The following KCNK4 variants were observed in gnomAD, a reference collection of about 807,000 sequenced individuals.
KCNK4 encodes potassium channel subfamily K member 4.
KCNK4 carries 22 observed loss-of-function variants against 28.8 expected under a neutral mutation model. That is an observed-to-expected ratio of 0.76 (90% CI 0.55 to 1.09). The LOEUF (loss-of-function observed/expected upper bound fraction) is 1.09, where lower values mean the gene tolerates loss of function less well. Ranked by LOEUF, KCNK4 falls within the 50% of genes least tolerant of loss-of-function variation. KCNK4 has a pLI of 0.00. For missense variants in KCNK4, 483 were observed against 546.3 expected, an observed-to-expected ratio of 0.88 and a Z score of 1.15; for synonymous variants, 263 against 252.9, an observed-to-expected ratio of 1.04 and a Z score of -0.38.
At position 64,293,354 on chromosome 11, in the gene KCNK4, A is replaced by T. The variant is rs376017360; in HGVS notation, c.189+147A>T. 1,692 of 889,540 alleles carry T rather than the reference A, an allele frequency of 1.9e-3. 24 individuals carry two copies. In the East Asian group the frequency reaches 0.028, roughly 15 times the overall value. 55.1% of individuals were successfully genotyped at this position (889,540 alleles called of 1,614,324 possible). On this transcript the variant is annotated intron_variant, in intron 2 of 6. Transcript: ENST00000422670. The stretch of plus-strand genomic sequence containing the variant: ...GGAGGCTGTGGGACAGAGGCTGGGG[A>T]CCAGGTCTCTGTGTTTTCAATAGGG...
Position 64,299,965 on chromosome 11 carries a change from C to A in KCNK4, c.*239C>A. 1 of 678,816 alleles carries A rather than the reference C, an allele frequency of 1.5e-6. No homozygotes were observed. Among genetic ancestry groups the A allele is most frequent in the South Asian group, 1.9e-5 (1 of 52,748 alleles). The allele number at this position is 678,816 out of a possible 1,614,324, so 42.0% of individuals were successfully genotyped here. On this transcript the variant is annotated 3_prime_UTR_variant, in exon 7 of 7. Transcript: ENST00000422670. ...GTGTATCCCTCACAGCACCTCACGA[C>A]TGTGCCTCAAAGCCTGCATCAATAA...
intron 2 of KCNK4, among the ~76,000 whole-genome samples, chr11:64,296,296 T>TTCCTGGAGAGAAAG (rs2034763096): frequency 6.6e-6 from 1 of 152,084 alleles, no homozygotes; most frequent in South Asian, 2.1e-4. Context: ...CATATAAACC[T>TTCCTGGAGAGAAAG]TCCTGGAGAG....
intron 2 of KCNK4, among the ~76,000 whole-genome samples, chr11:64,294,375 G>A (rs2034713906): frequency 6.6e-6 from 1 of 151,916 alleles, no homozygotes; most frequent in African/African-American, 2.4e-5. Flanking sequence ...AAAATTAGCC[G>A]GGTGTGGTGG....
rs79472625 is a variant in KCNK4 at position 64,293,925 on chromosome 11, C to T, written c.189+718C>T. On this transcript the variant is annotated intron_variant, in intron 2 of 6. Transcript: ENST00000422670. ...CCACAAATGCCTTTTTAATACAAGT[C>T]CATCCCAAGCAATATTTTTGTTTGC... 5.9e-5 allele frequency among the ~76,000 whole-genome samples: 9 copies of T among 152,284 alleles called. No homozygotes were observed. In the East Asian group the frequency reaches 1.7e-3, roughly 29 times the overall value.
At position 64,297,462 on chromosome 11, in the gene KCNK4, C is replaced by T. The variant is rs200735754; in HGVS notation, c.475-5C>T. The T allele has an allele frequency of 1.2e-5, 20 of 1,613,698 alleles. No homozygotes were observed. The highest frequency in any genetic ancestry group is 1.7e-5 in the Admixed American group (1 of 59,992). On this transcript the variant is annotated splice_polypyrimidine_tract_variant and splice_region_variant and intron_variant, in intron 4 of 6. Coordinates refer to ENST00000422670, the MANE Select transcript of KCNK4 (RefSeq NM_033310.3). ...CTGGGTCCTGCCTACTGCCCCATCC[C>T]GCAGAAGTGGCACGTGCCACCGGAG...
In KCNK4 at chr11:64,293,184, C is replaced by A. The variant is rs1000079532; in HGVS notation, c.166C>A (p.Gln56Lys). 13 of 1,483,080 alleles carry A rather than the reference C, an allele frequency of 8.8e-6. No individual in the cohort carries two copies. Among genetic ancestry groups the A allele is most frequent in the African/African-American group, 1.4e-5 (1 of 70,450 alleles). 91.9% of individuals were successfully genotyped at this position (1,483,080 alleles called of 1,614,324 possible). Residue 56 changes from glutamine (Q) to lysine (K), a missense_variant, in exon 2 of 7, where the codon CAG (glutamine) becomes AAG (lysine). Coordinates refer to ENST00000422670, the MANE Select transcript of KCNK4 (RefSeq NM_033310.3). ...GAGGGCCCATCCGTGTGTGAGCGAC[C>A]AGGAGCTGGGCCTCCTCATCAAGGT... ...FLRAHPCVSD[Q>K]ELGLLIKEVA...
rs917497238 is a variant in KCNK4 at position 64,299,868 on chromosome 11, GC to G, written c.*146del. 6.7e-7 allele frequency: 1 copy of G among 1,486,292 alleles called. No individual in the cohort carries two copies. The highest frequency in any genetic ancestry group is 9.1e-7 in the Non-Finnish European group (1 of 1,104,282). The allele number at this position is 1,486,292 out of a possible 1,614,324, so 92.1% of individuals were successfully genotyped here. A position where few individuals can be genotyped will look rare whatever the true frequency, so the allele number is the denominator to read the frequency against. ...CAGTTGCCTCTCCGCCTCCTCCCTG[GC>G]CCCGGCCCTTCCCTCACTTCCATCC... On this transcript the variant is annotated 3_prime_UTR_variant, in exon 7 of 7. Coordinates refer to ENST00000422670, the MANE Select transcript of KCNK4 (RefSeq NM_033310.3).
At position 64,293,174 on chromosome 11, in the gene KCNK4, T is replaced by A. The variant is rs2135225762; in HGVS notation, c.156T>A (p.Cys52Ter). ...AGAAGTTCCTGAGGGCCCATCCGTG[T>A]GTGAGCGACCAGGAGCTGGGCCTCC... The part of the protein sequence containing the change: ...VREKFLRAHP[C>*]VSDQELGLLI... The change falls in exon 2 of 7, where the codon TGT (cysteine) becomes TGA (stop). Residue 52 changes from cysteine (C) to a stop codon, truncating the protein, a stop_gained. Coordinates refer to ENST00000422670, the MANE Select transcript of KCNK4 (RefSeq NM_033310.3). LOFTEE classifies it high-confidence loss of function. 1 of 1,498,638 alleles carries A rather than the reference T, an allele frequency of 6.7e-7. No individual in the cohort carries two copies. The highest frequency in any genetic ancestry group is 1.3e-5 in the South Asian group (1 of 77,064). The allele number at this position is 1,498,638 out of a possible 1,614,324, so 92.8% of individuals were successfully genotyped here. A position where few individuals can be genotyped will look rare whatever the true frequency, so the allele number is the denominator to read the frequency against.
chr11:64,292,797 G>C, intron 1 of KCNK4, 145 bp from the exon 2 acceptor site: 1 of 832,982 alleles, frequency 1.2e-6, no homozygotes, highest in Non-Finnish European at 1.6e-6. Flanking sequence ...AGATAGGAGG[G>C]GGACTGGGTG....
At chr11:64,296,760 G>A (rs951616077) in intron 2 of KCNK4, 118 bp from the exon 3 acceptor site, 77 of 1,109,470 alleles carry the variant, frequency 6.9e-5, no homozygotes, top group Non-Finnish European at 8.7e-5. Flanking sequence ...GGAGACCAAA[G>A]GGAAGGGGAG....
Position 64,297,807 on chromosome 11 carries a change from G to A in KCNK4, c.661+154G>A, listed in dbSNP as rs779893715. On this transcript the variant is annotated intron_variant, in intron 5 of 6. Transcript: ENST00000422670. ...ATCACAGCCTTGCACACACACCAGC[G>A]CCTTATGCACACTCACATTCTTATA... Among the ~76,000 whole-genome samples, 248 of 152,234 alleles carry A rather than the reference G, an allele frequency of 1.6e-3. 2 individuals are homozygous for A. The highest frequency in any genetic ancestry group is 6.0e-4 in the Non-Finnish European group (41 of 68,030).
chr11:64,298,035 A>AG, intron 5 of KCNK4, 75 bp from the exon 6 acceptor site: 5 of 1,539,864 alleles, frequency 3.2e-6, no homozygotes, highest in Non-Finnish European at 8.8e-7. Context: ...AGGAACTGGG[A>AG]GGGGGGCACT....
At chr11:64,295,650 A>C (rs1468848725) in intron 2 of KCNK4, among the ~76,000 whole-genome samples, 1 of 151,696 alleles carries the variant, frequency 6.6e-6, no homozygotes, top group Non-Finnish European at 1.5e-5. Context: ...AGGTTGCTGT[A>C]ACATGGGGTG....
chr11:64,292,977 C>T lies in KCNK4; in HGVS notation c.-42C>T, dbSNP rs1452406318. 3 of 1,509,954 alleles carry T rather than the reference C, an allele frequency of 2.0e-6. No individual in the cohort carries two copies. Among genetic ancestry groups the T allele is most frequent in the South Asian group, 1.3e-5 (1 of 79,850 alleles). 93.5% of individuals were successfully genotyped at this position (1,509,954 alleles called of 1,614,324 possible). A position where few individuals can be genotyped will look rare whatever the true frequency, so the allele number is the denominator to read the frequency against. ...TCCCCAGGAGCCCCCCGCCCGGCCC[C>T]TCCAGGCGGGCAGTGGAGCTGGCCC... On this transcript the variant is annotated 5_prime_UTR_variant, in exon 2 of 7. Transcript: ENST00000422670.
Position 64,299,336 on chromosome 11 carries a change from C to A in KCNK4, c.802-10C>A. The A allele has an allele frequency of 6.5e-7, 1 of 1,532,376 alleles. No individual in the cohort carries two copies. The highest frequency in any genetic ancestry group is 2.5e-5 in the East Asian group (1 of 40,748). 94.9% of individuals were successfully genotyped at this position (1,532,376 alleles called of 1,614,324 possible). On this transcript the variant is annotated splice_polypyrimidine_tract_variant and intron_variant, in intron 6 of 6. Transcript: ENST00000422670. ...CCTCTAGTCGAGGGCTGCTTTCCCT[C>A]TCCGTGCAGATGGGCGGCCTCACGG...
At chr11:64,296,668 A>T (rs2034771078) in intron 2 of KCNK4, among the ~76,000 whole-genome samples, 1 of 152,166 alleles carries the variant, frequency 6.6e-6, no homozygotes, top group East Asian at 1.9e-4. Context: ...AATGTTTCTC[A>T]AACATTGTAG....
In KCNK4 at chr11:64,299,481, C is replaced by G. The variant is rs773676493; in HGVS notation, c.937C>G (p.Pro313Ala). The G allele has an allele frequency of 6.2e-6, 10 of 1,606,534 alleles. No homozygotes were observed. Among genetic ancestry groups the G allele is most frequent in the Non-Finnish European group, 7.6e-6 (9 of 1,177,720 alleles). ...GCCTCCACCGCCCTGTCCAGCGCAG[C>G]CGCTGGGCAGGCCCCGATCCCCTTC... ...LLPPPPCPAQ[P>A]LGRPRSPSPP... Residue 313 changes from proline to alanine, a missense_variant, in exon 7 of 7, where the codon CCG (proline) becomes GCG (alanine). Physicochemically the swap from Pro to Ala is conservative, Grantham distance 27 (BLOSUM62 -1). Transcript: ENST00000422670.
chr11:64,297,735 G>T, intron 5 of KCNK4, 82 bp downstream of exon 5: 2 of 1,436,044 alleles, frequency 1.4e-6, no homozygotes, highest in Non-Finnish European at 1.9e-6. Flanking sequence ...TTTCCCTCCA[G>T]ATCCCATGTG....
At chr11:64,293,931 C>T (rs1313564169) in intron 2 of KCNK4, among the ~76,000 whole-genome samples, 1 of 152,184 alleles carries the variant, frequency 6.6e-6, no homozygotes, top group African/African-American at 2.4e-5. Flanking sequence ...AAGTCCATCC[C>T]AAGCAATATT....
Sources: gnomAD v4.1 joint callset for allele counts (sites outside exome capture counted in the v4.1 genomes callset) on GRCh38, gnomAD v4.1.1 for gene constraint, MANE v1.5 for transcripts, NCBI Gene and HGNC (gene_info 2026-07-23, HGNC 2026-07-21) for gene names.